Variants in MPPED1 observed in about 807,000 individuals in gnomAD.
MPPED1 encodes the protein metallophosphoesterase domain-containing protein 1.
Under a neutral mutation model 36.2 loss-of-function variants are expected in MPPED1, and 16 were observed. That is an observed-to-expected ratio of 0.44 (90% CI 0.30 to 0.67). The LOEUF is 0.67. MPPED1 is among the 30% of genes least tolerant of loss of function. The pLI is 0.10. For missense variants in MPPED1, 307 were observed against 453.4 expected (o/e 0.68, Z 2.93); for synonymous variants, 199 against 191.3 (o/e 1.04, Z -0.33).
intron 2 of MPPED1, among the ~76,000 whole-genome samples, chr22:43,429,721 T>C (rs1323146825): frequency 6.6e-6 from 1 of 151,672 alleles, no homozygotes; most frequent in Non-Finnish European, 1.5e-5. Flanking sequence ...GCACAGGGAA[T>C]AGGAAGCAGG....
chr22:43,492,634 A>T lies in MPPED1; in HGVS notation c.633-5601A>T, dbSNP rs150930883. On this transcript the variant is annotated intron_variant, in intron 4 of 6. Coordinates refer to ENST00000443721, the MANE Select transcript of MPPED1 (RefSeq NM_001044370.2). The stretch of plus-strand genomic sequence containing the variant: ...GGCCTGGGGGCAGATCCCCAGGCAC[A>T]ACCCAGAAAGCACAGCCAGTCTCAT... Among the ~76,000 whole-genome samples, 470 of 152,314 alleles carry T rather than the reference A, an allele frequency of 3.1e-3. 2 individuals carry two copies. The highest frequency in any genetic ancestry group is 0.011 in the African/African-American group (445 of 41,560).
intron 4 of MPPED1, among the ~76,000 whole-genome samples, chr22:43,486,546 TGTAGA>T (rs1185847656): frequency 6.6e-6 from 1 of 152,042 alleles, no homozygotes; most frequent in Non-Finnish European, 1.5e-5. Context: ...CTGCAGCTCC[TGTAGA>T]GTAGAGACAG....
At chr22:43,472,832 G>A (rs181712308) in intron 3 of MPPED1, among the ~76,000 whole-genome samples, 2 of 152,336 alleles carry the variant, frequency 1.3e-5, no homozygotes, top group African/African-American at 4.8e-5. Context: ...TGGGGGTAGA[G>A]AAGAAGCTTA....
At chr22:43,414,377 G>A (rs182734187) in intron 1 of MPPED1, among the ~76,000 whole-genome samples, 60 of 152,046 alleles carry the variant, frequency 3.9e-4, no homozygotes, top group African/African-American at 1.4e-3. Flanking sequence ...CTGGGATTCC[G>A]TGAAGGGCAG....
At chr22:43,458,195 T>C (rs1351956202) in intron 3 of MPPED1, among the ~76,000 whole-genome samples, 2 of 152,214 alleles carry the variant, frequency 1.3e-5, no homozygotes, top group African/African-American at 4.8e-5. Flanking sequence ...TGCATCTCTG[T>C]CATTAACAGT....
At chr22:43,497,067 T>A (rs1375208609) in intron 4 of MPPED1, among the ~76,000 whole-genome samples, 1 of 140,736 alleles carries the variant, frequency 7.1e-6, no homozygotes, top group African/African-American at 2.7e-5. Context: ...ATGGTGGTGG[T>A]GGAGGTGGTG....
At chr22:43,463,591 G>A (rs1931032266) in intron 3 of MPPED1, among the ~76,000 whole-genome samples, 1 of 151,676 alleles carries the variant, frequency 6.6e-6, no homozygotes, top group Non-Finnish European at 1.5e-5. Context: ...CCCTCTTTTG[G>A]TCAAATTAAA....
At chr22:43,473,573 C>A (rs1042312229) in intron 3 of MPPED1, among the ~76,000 whole-genome samples, 1 of 152,194 alleles carries the variant, frequency 6.6e-6, no homozygotes, top group Non-Finnish European at 1.5e-5. Flanking sequence ...TTCAACATTT[C>A]ATTTTTTATC....
At chr22:43,429,524 C>T (rs1929600503) in intron 2 of MPPED1, among the ~76,000 whole-genome samples, 1 of 152,274 alleles carries the variant, frequency 6.6e-6, no homozygotes, top group Non-Finnish European at 1.5e-5. Flanking sequence ...ACTCCTCCTT[C>T]AGATCTCACC....
At chr22:43,466,400 A>T (rs1489001554) in intron 3 of MPPED1, among the ~76,000 whole-genome samples, 1 of 152,142 alleles carries the variant, frequency 6.6e-6, no homozygotes, top group Non-Finnish European at 1.5e-5. Context: ...AGGTGACCTG[A>T]ACTTGTAGAG....
chr22:43,430,748 G>A (rs144346644), intron 2 of MPPED1, among the ~76,000 whole-genome samples: 3,207 of 152,014 alleles, frequency 0.021, 93 homozygotes, highest in South Asian at 0.13. Flanking sequence ...TTTTTTGGGG[G>A]GGAGTCACAA....
chr22:43,483,234 G>T (rs1931805061), intron 4 of MPPED1, among the ~76,000 whole-genome samples: 1 of 152,256 alleles, frequency 6.6e-6, no homozygotes, highest in Non-Finnish European at 1.5e-5. Context: ...TGGCCCCATA[G>T]CTTCCACCTT....
intron 3 of MPPED1, among the ~76,000 whole-genome samples, chr22:43,444,277 GGGGTGTGTGTGT>G (rs1176294547): frequency 1.1e-5 from 1 of 86,990 alleles, no homozygotes; most frequent in African/African-American, 4.7e-5. Context: ...GAGACCCACT[GGGGTGTGTGTGT>G]GTGTGTGTGT....
At position 43,446,522 on chromosome 22, in the gene MPPED1, A is replaced by G. The variant is rs1022305445; in HGVS notation, c.406+11307A>G. On this transcript the variant is annotated intron_variant, in intron 3 of 6. Transcript: ENST00000443721. ...TGCCCATGTCTGGGCAGAGGCAGCA[A>G]CTCTGAGTTGGGGGTGTTGACGGCA... Among the ~76,000 whole-genome samples, 53 of 152,128 alleles carry G rather than the reference A, an allele frequency of 3.5e-4. 1 individual carries two copies. Among genetic ancestry groups the G allele is most frequent in the Admixed American group, 2.4e-3 (36 of 15,280 alleles).
chr22:43,435,343 T>G, intron 3 of MPPED1, 128 bp downstream of exon 3: 1 of 1,009,082 alleles, frequency 9.9e-7, no homozygotes, highest in Middle Eastern at 3.0e-4. Flanking sequence ...TGTGCCTGCC[T>G]GGTCACCCTC....
At chr22:43,500,295 GTGGTGGTGATGGTGATGGAGGTGGTGA>G (rs1932666693) in intron 5 of MPPED1, among the ~76,000 whole-genome samples, 2 of 142,834 alleles carry the variant, frequency 1.4e-5, no homozygotes, top group Middle Eastern at 3.4e-3. Flanking sequence ...GATGGGGGTG[GTGGTGGTGATGGTGATGGAGGTGGTGA>G]TGGTGGTGGT....
chr22:43,473,698 A>C (rs921845389), intron 3 of MPPED1, among the ~76,000 whole-genome samples: 3 of 152,154 alleles, frequency 2.0e-5, no homozygotes, highest in African/African-American at 7.2e-5. Flanking sequence ...GCTGGCTCTC[A>C]GATGGAGTAG....
At chr22:43,431,133 C>T (rs1929671767) in intron 2 of MPPED1, among the ~76,000 whole-genome samples, 2 of 139,980 alleles carry the variant, frequency 1.4e-5, no homozygotes, top group African/African-American at 5.1e-5. Context: ...CTTCCGCCTC[C>T]CGGGTTCAAG....
At position 43,483,522 on chromosome 22, in the gene MPPED1, C is replaced by T. The variant is rs541338824; in HGVS notation, c.632+8561C>T. On this transcript the variant is annotated intron_variant, in intron 4 of 6. Coordinates refer to ENST00000443721, the MANE Select transcript of MPPED1 (RefSeq NM_001044370.2). The stretch of plus-strand genomic sequence containing the variant: ...CCCTCGGTGCCTCCTCCTGTCTCTG[C>T]GTGAGACACAGGCGGGCCCGGCACT... Among the ~76,000 whole-genome samples the T allele has an allele frequency of 5.2e-5, 8 of 152,396 alleles. No individual in the cohort carries two copies. In the South Asian group the frequency reaches 8.3e-4, roughly 16 times the overall value.
Sources: allele counts gnomAD v4.1 joint callset (sites outside exome capture counted in the v4.1 genomes callset), GRCh38; gene constraint gnomAD v4.1.1; transcripts MANE v1.5; gene names NCBI Gene and HGNC (gene_info 2026-07-23, HGNC 2026-07-21).